The following SPTLC3 variants were observed in gnomAD, a reference collection of about 807,000 sequenced individuals.
SPTLC3 encodes the protein serine palmitoyltransferase 3.
Under a neutral mutation model 59.3 loss-of-function variants are expected in SPTLC3, and 36 were observed. The observed-to-expected ratio is 0.61, with a 90% CI of 0.47 to 0.80. The LOEUF is 0.80. Among genes scored for constraint, SPTLC3 ranks in the 30% least tolerant of loss-of-function variants. The pLI is 0.00. For synonymous variants in SPTLC3, 257 were observed against 240.8 expected (o/e 1.07, Z -0.62); for missense variants, 625 against 685.1 (o/e 0.91, Z 0.98).
chr20:13,150,463 G>T (rs2038617217), intron 9 of SPTLC3, among the ~76,000 whole-genome samples: 1 of 152,168 alleles, frequency 6.6e-6, no homozygotes, highest in Non-Finnish European at 1.5e-5. Context: ...TATGAACTAA[G>T]AAACCATACT....
At chr20:13,141,766 G>C (rs4431013) in intron 9 of SPTLC3, among the ~76,000 whole-genome samples, 105,549 of 152,082 alleles carry the variant, frequency 0.69, 36,706 homozygotes, top group African/African-American at 0.75. Context: ...TCAGCAATAG[G>C]TAATACAAAA....
intron 1 of SPTLC3, among the ~76,000 whole-genome samples, chr20:13,016,589 C>T (rs1436253625): frequency 1.3e-5 from 2 of 152,100 alleles, no homozygotes; most frequent in South Asian, 2.1e-4. Context: ...CAACAACTGT[C>T]GAAGACCCCA....
intron 4 of SPTLC3, among the ~76,000 whole-genome samples, chr20:13,080,691 C>A (rs557690603): frequency 2.0e-5 from 3 of 152,164 alleles, no homozygotes; most frequent in African/African-American, 7.2e-5. Flanking sequence ...AGAGCACTCT[C>A]ATATACCATT....
chr20:13,141,745 C>T (rs2038387947), intron 9 of SPTLC3, among the ~76,000 whole-genome samples: 1 of 152,184 alleles, frequency 6.6e-6, no homozygotes, highest in Non-Finnish European at 1.5e-5. Context: ...TGGTTTCAGG[C>T]CCCTGGCATT....
At chr20:13,144,080 T>A (rs1443998076) in intron 9 of SPTLC3, among the ~76,000 whole-genome samples, 15 of 152,210 alleles carry the variant, frequency 9.9e-5, no homozygotes, top group Admixed American at 6.5e-4. Context: ...GTGGCATTTT[T>A]AGCTTATGAT....
chr20:13,039,017 G>A (rs947316800), intron 1 of SPTLC3, among the ~76,000 whole-genome samples: 2 of 151,962 alleles, frequency 1.3e-5, no homozygotes, highest in African/African-American at 4.8e-5. Flanking sequence ...ATAATTTCAA[G>A]CTTTTTACAT....
chr20:13,092,047 C>T (rs376813097), intron 5 of SPTLC3, among the ~76,000 whole-genome samples: 19 of 152,134 alleles, frequency 1.2e-4, no homozygotes, highest in African/African-American at 2.4e-4. Flanking sequence ...TGCCCATATA[C>T]GAGGAAGGAC....
chr20:13,159,626 G>C lies in SPTLC3; in HGVS notation c.1416-377G>C, dbSNP rs6109734. Among the ~76,000 whole-genome samples, 4 of 152,208 alleles carry C rather than the reference G, an allele frequency of 2.6e-5. No homozygotes were observed. In the South Asian group the frequency reaches 8.3e-4, roughly 32 times the overall value. ...TCTTTCTTTATGGAATTGCATTATA[G>C]GAACTATTTGGTTTTTATACCTAGG... is the stretch of plus-strand genomic sequence containing the variant. On this transcript the variant is annotated intron_variant, in intron 10 of 11. Transcript: ENST00000399002.
intron 1 of SPTLC3, among the ~76,000 whole-genome samples, chr20:13,010,189 T>C (rs360528): frequency 0.85 from 128,628 of 151,984 alleles, 54,632 homozygotes; most frequent in South Asian, 0.95. Context: ...CCACAGGACA[T>C]CCCGTGTCAC....
intron 4 of SPTLC3, among the ~76,000 whole-genome samples, chr20:13,077,982 T>G (rs551444378): frequency 3.0e-4 from 46 of 151,836 alleles, no homozygotes; most frequent in African/African-American, 6.3e-4. Context: ...TGGAGGTGAT[T>G]CTGATAAGCA....
At chr20:13,162,498 AGAAAATG>A (rs1370563778) in intron 11 of SPTLC3, among the ~76,000 whole-genome samples, 1 of 152,204 alleles carries the variant, frequency 6.6e-6, no homozygotes. Flanking sequence ...TACATGTAAG[AGAAAATG>A]GAAAATGACC....
intron 1 of SPTLC3, among the ~76,000 whole-genome samples, chr20:13,011,583 C>T (rs556753911): frequency 1.3e-5 from 2 of 152,160 alleles, no homozygotes; most frequent in South Asian, 2.1e-4. Context: ...GTCCTCCTTC[C>T]CCCTGGTCCA....
rs1212993062 is a variant in SPTLC3 at position 13,165,273 on chromosome 20, G to C, written c.*406G>C. On this transcript the variant is annotated 3_prime_UTR_variant, in exon 12 of 12. Coordinates refer to ENST00000399002, the MANE Select transcript of SPTLC3 (RefSeq NM_018327.4). ...TTACTTATTCCATCTGCAGATGTAA[G>C]TGAGTGTGGTGGACAGTAGCCACCT... 1 of 164,742 alleles carries C rather than the reference G, an allele frequency of 6.1e-6. No individual in the cohort carries two copies. 10.2% of individuals were successfully genotyped at this position (164,742 alleles called of 1,614,324 possible). A position where few individuals can be genotyped will look rare whatever the true frequency, so the allele number is the denominator to read the frequency against.
In SPTLC3 at chr20:13,073,953, G is replaced by A. The variant is rs74926766; in HGVS notation, c.459-396G>A. The A allele has an allele frequency of 5.7e-3, 3,373 of 590,170 alleles. 134 individuals carry two copies. Among genetic ancestry groups the A allele is most frequent in the Admixed American group, 0.055 (2,863 of 52,240 alleles). 36.6% of individuals were successfully genotyped at this position (590,170 alleles called of 1,614,324 possible). A position where few individuals can be genotyped will look rare whatever the true frequency, so the allele number is the denominator to read the frequency against. On this transcript the variant is annotated intron_variant, in intron 3 of 11. Transcript: ENST00000399002. ...TCATCCAGGGAGGTGTGGCACCTGA[G>A]TGGATGTTACCAACTCCTGGTATAT... is the stretch of plus-strand genomic sequence containing the variant.
intron 2 of SPTLC3, among the ~76,000 whole-genome samples, chr20:13,056,158 C>T (rs549345491): frequency 2.0e-5 from 3 of 152,268 alleles, no homozygotes; most frequent in East Asian, 3.9e-4. Context: ...ACAAGAACTG[C>T]TCGAACCGCC....
intron 8 of SPTLC3, among the ~76,000 whole-genome samples, chr20:13,124,773 C>T (rs1320512914): frequency 6.6e-6 from 1 of 152,174 alleles, no homozygotes; most frequent in Admixed American, 6.5e-5. Context: ...AATGCCCACA[C>T]ATACCTAAGA....
At chr20:13,058,397 T>A (rs1401030391) in intron 2 of SPTLC3, among the ~76,000 whole-genome samples, 1 of 152,148 alleles carries the variant, frequency 6.6e-6, no homozygotes, top group African/African-American at 2.4e-5. Flanking sequence ...CATTGGGGTA[T>A]CTCTAGGAAC....
At chr20:13,149,849 G>C (rs950317394) in intron 9 of SPTLC3, among the ~76,000 whole-genome samples, 2 of 152,222 alleles carry the variant, frequency 1.3e-5, no homozygotes, top group Non-Finnish European at 2.9e-5. Flanking sequence ...GGCAGCCAAT[G>C]ATAGATGAAT....
At chr20:13,094,514 C>T (rs1005020443) in intron 6 of SPTLC3, among the ~76,000 whole-genome samples, 1 of 152,144 alleles carries the variant, frequency 6.6e-6, no homozygotes, top group African/African-American at 2.4e-5. Flanking sequence ...GTTCCTCTTT[C>T]CTAGCTCTCC....
Sources: allele counts gnomAD v4.1 joint callset (sites outside exome capture counted in the v4.1 genomes callset), GRCh38; gene constraint gnomAD v4.1.1; transcripts MANE v1.5; gene names NCBI Gene and HGNC (gene_info 2026-07-23, HGNC 2026-07-21).